Variants in CAPN13 observed in about 807,000 individuals in gnomAD.
The protein encoded by CAPN13 is calpain-13.
A neutral mutation model predicts 98.4 loss-of-function variants in CAPN13; 90 were observed. The ratio of observed to expected loss-of-function variants is 0.92; its 90% CI spans 0.77 to 1.09. The LOEUF (loss-of-function observed/expected upper bound fraction) is 1.09, where lower values mean the gene tolerates loss of function less well. Among genes scored for constraint, CAPN13 ranks in the 50% least tolerant of loss-of-function variants. The probability of loss-of-function intolerance (pLI) is 0.00; values close to 1 mark genes in which losing one functional copy is unlikely to be tolerated. For missense variants in CAPN13, 887 were observed against 841.3 expected (o/e 1.05, Z -0.67); for synonymous variants, 330 against 305.5 (o/e 1.08, Z -0.84).
Position 30,763,150 on chromosome 2 carries a change from C to A in CAPN13, c.706G>T (p.Asp236Tyr), listed in dbSNP as rs1373707773. 1 of 1,610,780 alleles carries A rather than the reference C, an allele frequency of 6.2e-7. No individual in the cohort carries two copies. Among genetic ancestry groups the A allele is most frequent in the Non-Finnish European group, 8.5e-7 (1 of 1,178,558 alleles). ...ITCATPSGPT[D>Y]TAQAMENGLV... The stretch of plus-strand genomic sequence containing the variant: ...CCATTCTCCATCGCCTGTGCTGTAT[C>A]TGTTGGCTTCAAGGCAGAAAAGCAG... The change falls in exon 7 of 23, where the codon GAT (aspartate) becomes TAT (tyrosine). Residue 236 changes from aspartate to tyrosine, a missense_variant. By Grantham distance (160) the Asp-to-Tyr change is radical. Transcript: ENST00000295055.
intron 1 of CAPN13, among the ~76,000 whole-genome samples, chr2:30,790,162 C>A (rs1360437530): frequency 6.6e-6 from 1 of 152,174 alleles, no homozygotes; most frequent in Non-Finnish European, 1.5e-5. Context: ...CAGGAAGGGC[C>A]CACAACACCT....
chr2:30,800,137 A>AAAGAAAGAAAGT (rs1675152749), intron 1 of CAPN13, among the ~76,000 whole-genome samples: 1 of 147,138 alleles, frequency 6.8e-6, no homozygotes, highest in African/African-American at 2.6e-5. Context: ...AGAAAGAAAG[A>AAAGAAAGAAAGT]AAGAAAGAAA....
At chr2:30,782,138 G>A (rs1043584559) in intron 2 of CAPN13, among the ~76,000 whole-genome samples, 4 of 152,162 alleles carry the variant, frequency 2.6e-5, no homozygotes, top group African/African-American at 9.7e-5. Context: ...CAAGCCAGCT[G>A]CTCTACCCTA....
chr2:30,783,050 G>T (rs1444274152), intron 2 of CAPN13, among the ~76,000 whole-genome samples: 1 of 152,166 alleles, frequency 6.6e-6, no homozygotes, highest in African/African-American at 2.4e-5. Context: ...GGATGGTGCT[G>T]ATCTATTTAA....
In CAPN13 at chr2:30,735,893, C is replaced by A. The variant is rs559347580; in HGVS notation, c.1722+610G>T. 1.2e-4 allele frequency among the ~76,000 whole-genome samples: 18 copies of A among 152,172 alleles called. 2 individuals are homozygous for A. In the South Asian group the frequency reaches 3.7e-3, roughly 32 times the overall value. The stretch of plus-strand genomic sequence containing the variant: ...GTATGAAGGGTAGGTGGGCACTGGC[C>A]AGTCTCAGGGTGCAGGGAGGGGAGA... On this transcript the variant is annotated intron_variant, in intron 18 of 22. Transcript: ENST00000295055.
At chr2:30,736,404 T>C in intron 18 of CAPN13, 99 bp downstream of exon 18, 1 of 1,215,914 alleles carries the variant, frequency 8.2e-7, no homozygotes, top group Non-Finnish European at 1.2e-6. Context: ...GAGTTCCTCT[T>C]CTTTCATACC....
chr2:30,763,790 G>T (rs1166365804), intron 6 of CAPN13, among the ~76,000 whole-genome samples: 2 of 152,218 alleles, frequency 1.3e-5, no homozygotes, highest in Non-Finnish European at 2.9e-5. Context: ...GTTCACCAGT[G>T]CATGGTAAAG....
At chr2:30,729,605 A>C (rs901239181) in intron 22 of CAPN13, 21 of 152,244 alleles carry the variant, frequency 1.4e-4, no homozygotes, top group African/African-American at 5.1e-4. Context: ...AAGGAGTGAA[A>C]GGAGAACTCA....
At chr2:30,748,082 G>A (rs796239809) in intron 11 of CAPN13, among the ~76,000 whole-genome samples, 147 of 152,362 alleles carry the variant, frequency 9.6e-4, no homozygotes, top group African/African-American at 3.3e-3. Context: ...CAGAAGTTGC[G>A]TGTGTGCCGG....
intron 18 of CAPN13, 85 bp from the exon 19 acceptor site, chr2:30,734,609 T>A: frequency 1.8e-6 from 2 of 1,099,784 alleles, no homozygotes; most frequent in Non-Finnish European, 2.7e-6. Flanking sequence ...CTTGCTTCCC[T>A]AAACCTCAGA....
chr2:30,758,273 T>C, intron 7 of CAPN13, 136 bp from the exon 8 acceptor site: 1 of 618,604 alleles, frequency 1.6e-6, no homozygotes, highest in Non-Finnish European at 2.7e-6. Context: ...GAAAAAAAAT[T>C]GAAAGGGAAA....
intron 1 of CAPN13, among the ~76,000 whole-genome samples, chr2:30,802,461 GTA>G (rs1269924674): frequency 6.3e-5 from 8 of 127,214 alleles, no homozygotes; most frequent in East Asian, 5.7e-4. Flanking sequence ...GTGTGTGTGT[GTA>G]TGTGTGTGTG....
chr2:30,776,236 T>A (rs1034819688), intron 3 of CAPN13, among the ~76,000 whole-genome samples, 191 bp from the exon 4 acceptor site: 3 of 152,062 alleles, frequency 2.0e-5, no homozygotes, highest in African/African-American at 7.2e-5. Context: ...GAAGGGGCAG[T>A]GGTGGTGGTG....
intron 18 of CAPN13, 131 bp downstream of exon 18, chr2:30,736,372 C>G: frequency 1.2e-6 from 1 of 841,876 alleles, no homozygotes; most frequent in Non-Finnish European, 1.9e-6. Flanking sequence ...AACATGTGAG[C>G]TCTCCTTGAG....
intron 1 of CAPN13, among the ~76,000 whole-genome samples, chr2:30,806,973 G>C (rs1389325954): frequency 1.3e-5 from 2 of 152,192 alleles, no homozygotes; most frequent in Admixed American, 6.5e-5. Flanking sequence ...CCCTTACGGT[G>C]AACACAGCCC....
chr2:30,730,021 T>C (rs1196194290), intron 22 of CAPN13: 1 of 152,194 alleles, frequency 6.6e-6, no homozygotes, highest in Non-Finnish European at 1.5e-5. Flanking sequence ...GCCAGAAGCA[T>C]GAGTAGAAAG....
rs1672329840 is a variant in CAPN13 at position 30,754,338 on chromosome 2, TCA to T, written c.891_892del (p.Cys297Ter). ...CTTATGTAGCTGGCTTTTCCGCGGA[TCA>T]CAGGTTTCCTCCCACTCCTGAGACC... is the stretch of plus-strand genomic sequence containing the variant. On this transcript the variant is annotated stop_gained and frameshift_variant, in exon 9 of 23. Coordinates refer to ENST00000295055, the MANE Select transcript of CAPN13 (RefSeq NM_144575.3). LOFTEE classifies it high-confidence loss of function. 2.5e-6 allele frequency: 4 copies of T among 1,606,328 alleles called. No homozygotes were observed. In the East Asian group the frequency reaches 9.0e-5, roughly 36 times the overall value.
chr2:30,792,371 G>C (rs1482172074), intron 1 of CAPN13, among the ~76,000 whole-genome samples: 3 of 152,072 alleles, frequency 2.0e-5, no homozygotes, highest in Non-Finnish European at 4.4e-5. Context: ...ATTTGATAAA[G>C]GGGTTATCAC....
intron 22 of CAPN13, among the ~76,000 whole-genome samples, 168 bp from the exon 23 acceptor site, chr2:30,723,404 A>G (rs1377066664): frequency 6.6e-6 from 1 of 152,132 alleles, no homozygotes; most frequent in Non-Finnish European, 1.5e-5. Flanking sequence ...ACAGACCCCA[A>G]CGTGCCCATG....
Sources: allele counts gnomAD v4.1 joint callset (sites outside exome capture counted in the v4.1 genomes callset), GRCh38; gene constraint gnomAD v4.1.1; transcripts MANE v1.5; gene names NCBI Gene and HGNC (gene_info 2026-07-23, HGNC 2026-07-21).